Variants in BSN observed in about 807,000 individuals in gnomAD.
BSN encodes the protein bassoon presynaptic cytomatrix protein, also known as protein bassoon.
BSN carries 57 observed loss-of-function variants against 264.8 expected under a neutral mutation model. The observed-to-expected ratio is 0.22, with a 90% CI of 0.17 to 0.27. BSN has a LOEUF of 0.27. BSN is among the 10% of genes least tolerant of loss of function. BSN has a pLI of 1.00. For synonymous variants in BSN, 2,059 were observed against 2,137.3 expected (o/e 0.96, Z 1.01); for missense variants, 4,615 against 5,232.5 (o/e 0.88, Z 3.64).
intron 1 of BSN, among the ~76,000 whole-genome samples, chr3:49,616,584 G>A (rs893930200): frequency 6.6e-6 from 1 of 152,194 alleles, no homozygotes; most frequent in Non-Finnish European, 1.5e-5. Flanking sequence ...TGAAGGCGGT[G>A]GGGGGCATGC....
At position 49,654,276 on chromosome 3, in the gene BSN, G is replaced by A. The variant is rs1256992691; in HGVS notation, c.4720G>A (p.Ala1574Thr). ...DASSQTRMVH[A>T]SASTSPLCSP... ...CTCCAGCCAGACCAGGATGGTACAT[G>A]CCAGTGCCTCCACCTCCCCGCTCTG... The change falls in exon 5 of 12, where the codon GCC (alanine) becomes ACC (threonine). Residue 1574 changes from alanine to threonine, a missense_variant. Coordinates refer to ENST00000296452, the MANE Select transcript of BSN (RefSeq NM_003458.4). The surrounding 1 kb of genome is among the most constrained non-coding windows in gnomAD (Gnocchi z 4.1). 6.2e-7 allele frequency: 1 copy of A among 1,613,222 alleles called. No individual in the cohort carries two copies. The highest frequency in any genetic ancestry group is 1.3e-5 in the African/African-American group (1 of 75,012).
intron 1 of BSN, among the ~76,000 whole-genome samples, chr3:49,577,312 A>C (rs1006650343): frequency 1.3e-5 from 2 of 152,196 alleles, no homozygotes; most frequent in South Asian, 4.1e-4. Flanking sequence ...CTCAAATTCT[A>C]CCCTACTGGG....
chr3:49,583,640 C>A (rs190024546), intron 1 of BSN, among the ~76,000 whole-genome samples: 1 of 152,032 alleles, frequency 6.6e-6, no homozygotes, highest in Non-Finnish European at 1.5e-5. Context: ...AAAATAAATT[C>A]TTTTTCAATG....
intron 7 of BSN, 36 bp downstream of exon 7, chr3:49,663,702 G>A (rs1438709173): frequency 1.9e-6 from 3 of 1,605,492 alleles, no homozygotes; most frequent in Non-Finnish European, 2.6e-6. Flanking sequence ...TGTAACCAGG[G>A]AAGATGCTAT....
intron 1 of BSN, among the ~76,000 whole-genome samples, chr3:49,588,122 A>G (rs1041092888): frequency 1.3e-5 from 2 of 151,734 alleles, no homozygotes; most frequent in African/African-American, 2.4e-5. Context: ...GGGTTTCACC[A>G]TGTTGGCCAG....
At chr3:49,614,429 G>A (rs2052242415) in intron 1 of BSN, among the ~76,000 whole-genome samples, 1 of 152,152 alleles carries the variant, frequency 6.6e-6, no homozygotes, top group Non-Finnish European at 1.5e-5. Flanking sequence ...GCCACATATA[G>A]CTCTTGCTAT....
Position 49,661,807 on chromosome 3 carries a change from G to A in BSN, c.9962G>A (p.Gly3321Asp), listed in dbSNP as rs538690696. The change falls in exon 6 of 12, where the codon GGT (glycine) becomes GAT (aspartate). Residue 3321 changes from glycine to aspartate, a missense_variant. By Grantham distance (94) the Gly-to-Asp change is moderately conservative. Transcript: ENST00000296452. ...NGRPASTHYY[G>D]DSDYRHGARV... ...CGACCAGCCAGTACCCACTACTATG[G>A]TGACAGTGACTACAGGCATGGGGCT... 1.2e-6 allele frequency: 2 copies of A among 1,613,630 alleles called. No homozygotes were observed. The highest frequency in any genetic ancestry group is 2.2e-5 in the South Asian group (2 of 91,086).
chr3:49,570,666 C>T (rs2051788627), intron 1 of BSN, among the ~76,000 whole-genome samples: 1 of 152,194 alleles, frequency 6.6e-6, no homozygotes, highest in Admixed American at 6.5e-5. Flanking sequence ...AAAACCTCTA[C>T]ACCCCTGAGT....
intron 1 of BSN, among the ~76,000 whole-genome samples, chr3:49,581,629 T>G (rs1018674076): frequency 6.6e-6 from 1 of 151,932 alleles, no homozygotes; most frequent in African/African-American, 2.4e-5. Context: ...ATCGAGACCA[T>G]CCTGGCCAAC....
chr3:49,630,280 T>C lies in BSN; in HGVS notation c.633+4897T>C, dbSNP rs2052375298. ...TTCTGCTTTCCTGGGCCCAGGAGGGTGTCTGCCCAGCCTTCCAATGCTCAC... is the reference window on the plus strand; with the variant it reads ...TTCTGCTTTCCTGGGCCCAGGAGGGCGTCTGCCCAGCCTTCCAATGCTCAC... On this transcript the variant is annotated intron_variant, in intron 2 of 11. Coordinates refer to ENST00000296452, the MANE Select transcript of BSN (RefSeq NM_003458.4). Among the ~76,000 whole-genome samples, 4 of 152,182 alleles carry C rather than the reference T, an allele frequency of 2.6e-5. No homozygotes were observed. The South Asian group carries it at 8.3e-4, about 32-fold the overall frequency.
chr3:49,655,020 G>C lies in BSN; in HGVS notation c.5464G>C (p.Gly1822Arg), dbSNP rs1206687558. 1 of 1,613,092 alleles carries C rather than the reference G, an allele frequency of 6.2e-7. No individual in the cohort carries two copies. Among genetic ancestry groups the C allele is most frequent in the East Asian group, 2.2e-5 (1 of 44,900 alleles). The change falls in exon 5 of 12, where the codon GGC (glycine) becomes CGC (arginine). Residue 1822 changes from glycine to arginine, a missense_variant. Physicochemically the swap from Gly to Arg is moderately radical, Grantham distance 125. Transcript: ENST00000296452. ...AAGAGACGTTTTGATCACTCAGATGGGCACCGCCCAGAGCATTGGCCTCAA... is the reference window on the plus strand; with the variant it reads ...AAGAGACGTTTTGATCACTCAGATGCGCACCGCCCAGAGCATTGGCCTCAA... ...ARRDVLITQM[G>R]TAQSIGLKPG...
At position 49,653,347 on chromosome 3, in the gene BSN, C is replaced by T. The variant is rs1260538159; in HGVS notation, c.3791C>T (p.Ser1264Leu). Residue 1264 changes from serine to leucine, a missense_variant, in exon 5 of 12, where the codon TCA becomes TTA. Coordinates refer to ENST00000296452, the MANE Select transcript of BSN (RefSeq NM_003458.4). The surrounding 1 kb of genome is among the most constrained non-coding windows in gnomAD (Gnocchi z 6.3). Reference protein sequence around the residue: ...AAVYEEILQTSQSIVRMRQAS... With the variant: ...AAVYEEILQTLQSIVRMRQAS... ...GTGTACGAAGAAATCCTTCAGACAT[C>T]ACAGAGCATAGTCCGCATGCGGCAG... The T allele has an allele frequency of 2.5e-6, 4 of 1,612,592 alleles. No individual in the cohort carries two copies. Among genetic ancestry groups the T allele is most frequent in the Non-Finnish European group, 3.4e-6 (4 of 1,179,382 alleles).
rs767388770 is a variant in BSN at position 49,655,553 on chromosome 3, G to A, written c.5997G>A (p.Gln1999=). ...AGGCTGGCCTCAACTACCATGCCCA[G>A]AGGATCGGGCAGCTCTTCCAGGGTC... ...LAEAGLNYHA[Q]RIGQLFQGPG... The change falls in exon 5 of 12, where the codon CAG becomes CAA. Residue 1999 remains glutamine (Q), a synonymous_variant. Coordinates refer to ENST00000296452, the MANE Select transcript of BSN (RefSeq NM_003458.4). 6.2e-7 allele frequency: 1 copy of A among 1,613,260 alleles called. No homozygotes were observed. Among genetic ancestry groups the A allele is most frequent in the African/African-American group, 1.3e-5 (1 of 75,056 alleles).
In BSN at chr3:49,585,121, A is replaced by T. The variant is rs964313950; in HGVS notation, c.224+30295A>T. 6.6e-5 allele frequency among the ~76,000 whole-genome samples: 10 copies of T among 152,116 alleles called. No homozygotes were observed. Among genetic ancestry groups the T allele is most frequent in the African/African-American group, 2.4e-4 (10 of 41,422 alleles). On this transcript the variant is annotated intron_variant, in intron 1 of 11. Transcript: ENST00000296452. This position sits in a 1 kb window ranked among gnomAD's most constrained non-coding sequence, Gnocchi z 4.7. ...AACTCAGGAGTGCAGATATCTCTTC[A>T]ATATATTGATTTCCTTTCTTTTGGG... is the stretch of plus-strand genomic sequence containing the variant.
chr3:49,554,904 T>G, intron 1 of BSN, 78 bp downstream of exon 1: 1 of 877,544 alleles, frequency 1.1e-6, no homozygotes, highest in Non-Finnish European at 1.5e-6. Flanking sequence ...TCCCGCGATC[T>G]AGTGTGGACA....
chr3:49,606,320 T>TAA (rs1320585785), intron 1 of BSN, among the ~76,000 whole-genome samples: 1 of 115,374 alleles, frequency 8.7e-6, no homozygotes, highest in Non-Finnish European at 1.7e-5. Flanking sequence ...TAATATATAT[T>TAA]AAAAATATAT....
At chr3:49,579,252 G>T (rs1359913197) in intron 1 of BSN, among the ~76,000 whole-genome samples, 2 of 151,670 alleles carry the variant, frequency 1.3e-5, no homozygotes, top group Admixed American at 6.6e-5. Context: ...GGCACCCAAA[G>T]TGCTGGGATT....
At position 49,652,989 on chromosome 3, in the gene BSN, C is replaced by G. The variant is rs751141272; in HGVS notation, c.3433C>G (p.Arg1145Gly). 3 of 1,613,258 alleles carry G rather than the reference C, an allele frequency of 1.9e-6. No individual in the cohort carries two copies. Among genetic ancestry groups the G allele is most frequent in the Non-Finnish European group, 2.5e-6 (3 of 1,179,754 alleles). ...EAEALDGGPS[R>G]LYKSGSEYNL... ...TGAGGCCTTGGATGGTGGCCCTAGC[C>G]GGCTTTACAAGTCAGGCAGTGAGTA... The change falls in exon 5 of 12, where the codon CGG becomes GGG. Residue 1145 changes from arginine (R) to glycine (G), a missense_variant. Transcript: ENST00000296452.
At position 49,662,309 on chromosome 3, in the gene BSN, G is replaced by A. The variant is rs1395397899; in HGVS notation, c.10464G>A (p.Met3488Ile). ...KAGPKPSSLS[M>I]AHSRVRPPMR... ...GCCCCAAGCCCTCATCCCTAAGTAT[G>A]GCCCACAGCCGGGTACGACCCCCCA... Residue 3488 changes from methionine (M) to isoleucine (I), a missense_variant, in exon 6 of 12, where the codon ATG becomes ATA. By Grantham distance (10) the Met-to-Ile change is conservative (BLOSUM62 1). Coordinates refer to ENST00000296452, the MANE Select transcript of BSN (RefSeq NM_003458.4). 4 of 1,613,684 alleles carry A rather than the reference G, an allele frequency of 2.5e-6. No individual in the cohort carries two copies. The highest frequency in any genetic ancestry group is 1.3e-5 in the African/African-American group (1 of 74,928).
Sources: allele counts gnomAD v4.1 joint callset (sites outside exome capture counted in the v4.1 genomes callset), GRCh38; gene constraint gnomAD v4.1.1; non-coding constraint Gnocchi (gnomAD v3.1); transcripts MANE v1.5; gene names NCBI Gene and HGNC (gene_info 2026-07-23, HGNC 2026-07-21).